The following SPOCK3 variants were observed in gnomAD, a reference collection of about 807,000 sequenced individuals.
SPOCK3 encodes the protein testican-3.
A neutral mutation model predicts 56.6 loss-of-function variants in SPOCK3; 30 were observed. The observed-to-expected ratio is 0.53, with a 90% CI of 0.40 to 0.72. The LOEUF (loss-of-function observed/expected upper bound fraction) is 0.72. SPOCK3 is among the 30% of genes least tolerant of loss of function. The pLI is 0.00. For missense variants in SPOCK3, 527 were observed against 530.0 expected, an observed-to-expected ratio of 0.99 and a Z score of 0.06; for synonymous variants, 196 against 183.3, an observed-to-expected ratio of 1.07 and a Z score of -0.56.
At chr4:166,846,958 T>C (rs906892035) in intron 6 of SPOCK3, among the ~76,000 whole-genome samples, 1 of 152,100 alleles carries the variant, frequency 6.6e-6, no homozygotes. Context: ...ACCAAATCTA[T>C]CTCACAGGAA....
intron 3 of SPOCK3, among the ~76,000 whole-genome samples, chr4:167,052,670 A>G (rs989899895): frequency 7.2e-5 from 11 of 152,186 alleles, no homozygotes; most frequent in African/African-American, 2.7e-4. Context: ...TCTTAAACAA[A>G]GCAGCATTAT....
chr4:166,823,392 T>G, intron 6 of SPOCK3, among the ~76,000 whole-genome samples: 1 of 152,078 alleles, frequency 6.6e-6, no homozygotes, highest in Admixed American at 6.6e-5. Flanking sequence ...ATGTATATTT[T>G]ATTGGACTGC....
At chr4:167,055,953 T>A (rs1263490958) in intron 3 of SPOCK3, among the ~76,000 whole-genome samples, 1 of 152,146 alleles carries the variant, frequency 6.6e-6, no homozygotes, top group Admixed American at 6.5e-5. Flanking sequence ...AGAGCAGTGG[T>A]TCTCCCAGCA....
intron 6 of SPOCK3, among the ~76,000 whole-genome samples, chr4:166,856,834 C>T (rs1730738677): frequency 7.2e-6 from 1 of 138,884 alleles, no homozygotes; most frequent in African/African-American, 2.6e-5. Context: ...CTAGATATCT[C>T]TCTATATATA....
intron 6 of SPOCK3, among the ~76,000 whole-genome samples, chr4:166,842,235 C>T (rs565874812): frequency 4.7e-4 from 72 of 152,334 alleles, no homozygotes; most frequent in Middle Eastern, 3.4e-3. Context: ...AAGAGGACTT[C>T]AGCACGTTGC....
intron 4 of SPOCK3, among the ~76,000 whole-genome samples, chr4:166,953,031 C>T (rs1266908460): frequency 6.6e-6 from 1 of 151,758 alleles, no homozygotes; most frequent in Non-Finnish European, 1.5e-5. Flanking sequence ...TGGGCAAGGA[C>T]TTCATGTCTA....
chr4:167,213,176 T>C (rs1398109621), intron 2 of SPOCK3, among the ~76,000 whole-genome samples: 2 of 152,220 alleles, frequency 1.3e-5, no homozygotes, highest in Admixed American at 6.5e-5. Flanking sequence ...GCAAAGTTGC[T>C]TTTCTAGGCC....
chr4:166,843,024 C>A (rs1364994071), intron 6 of SPOCK3, among the ~76,000 whole-genome samples: 1 of 152,206 alleles, frequency 6.6e-6, no homozygotes, highest in African/African-American at 2.4e-5. Context: ...AGTGGGCCGG[C>A]GCTGCTGGGG....
intron 6 of SPOCK3, among the ~76,000 whole-genome samples, chr4:166,840,965 C>A (rs2124453): frequency 0.74 from 111,342 of 151,052 alleles, 41,088 homozygotes; most frequent in East Asian, 0.82. Flanking sequence ...TTTTTCGTAG[C>A]GACGGGGTTT....
intron 7 of SPOCK3, among the ~76,000 whole-genome samples, chr4:166,771,951 A>G (rs930697615): frequency 1.3e-5 from 2 of 152,022 alleles, no homozygotes; most frequent in Admixed American, 1.3e-4. Context: ...CCATGTTTTT[A>G]TAGTTCTTAG....
intron 2 of SPOCK3, among the ~76,000 whole-genome samples, chr4:167,079,085 AG>A (rs1267655547): frequency 6.6e-6 from 1 of 151,932 alleles, no homozygotes; most frequent in African/African-American, 2.4e-5. Flanking sequence ...AAAAAAAAAA[AG>A]TCTCTAGCAT....
At chr4:166,794,627 T>TTTTC (rs1303037765) in intron 6 of SPOCK3, among the ~76,000 whole-genome samples, 10 of 151,434 alleles carry the variant, frequency 6.6e-5, no homozygotes, top group East Asian at 5.8e-4. Context: ...TTTCTTTTTT[T>TTTTC]TTTCTTTCTT....
At chr4:167,040,175 T>C (rs1471782335) in intron 3 of SPOCK3, among the ~76,000 whole-genome samples, 2 of 152,158 alleles carry the variant, frequency 1.3e-5, no homozygotes, top group East Asian at 3.8e-4. Context: ...TTTCTAAAAG[T>C]TCTGGCTTTA....
rs3082377 is a variant in SPOCK3 at position 167,078,308 on chromosome 4, C to CTGTGTG, written c.190-15777_190-15772dup. Among the ~76,000 whole-genome samples, 457 of 105,088 alleles carry CTGTGTG rather than the reference C, an allele frequency of 4.3e-3. 7 individuals carry two copies. Among genetic ancestry groups the CTGTGTG allele is most frequent in the African/African-American group, 8.5e-3 (252 of 29,628 alleles). 68.9% of individuals were successfully genotyped at this position (105,088 alleles called of 152,430 possible). ...ACCTATGTGTATCCAGGTCATAACT[C>CTGTGTG]TGTGTGTGTGTGTGTGTGTGTGTGT... On this transcript the variant is annotated intron_variant, in intron 2 of 10. Coordinates refer to ENST00000357545, the MANE Select transcript of SPOCK3 (RefSeq NM_001040159.2).
intron 6 of SPOCK3, among the ~76,000 whole-genome samples, chr4:166,842,877 T>C (rs1466882768): frequency 6.6e-6 from 1 of 152,148 alleles, no homozygotes; most frequent in Non-Finnish European, 1.5e-5. Context: ...AACCGGGTGC[T>C]GTGTAGCAGG....
intron 6 of SPOCK3, among the ~76,000 whole-genome samples, chr4:166,810,357 G>A (rs765122102): frequency 1.1e-4 from 16 of 151,908 alleles, no homozygotes; most frequent in African/African-American, 2.2e-4. Flanking sequence ...CACCTAACTC[G>A]GTTAGATAAA....
intron 7 of SPOCK3, among the ~76,000 whole-genome samples, chr4:166,774,341 A>G (rs1238453325): frequency 6.6e-6 from 1 of 152,146 alleles, no homozygotes; most frequent in Non-Finnish European, 1.5e-5. Context: ...ATCAGGTTTT[A>G]AAGGCTTCAT....
At chr4:166,935,877 A>T (rs1476477116) in intron 4 of SPOCK3, among the ~76,000 whole-genome samples, 2 of 152,288 alleles carry the variant, frequency 1.3e-5, no homozygotes, top group East Asian at 3.9e-4. Context: ...AGATAACAAC[A>T]TTTGCCTAAA....
intron 2 of SPOCK3, among the ~76,000 whole-genome samples, chr4:167,127,269 A>C (rs1449882933): frequency 6.6e-6 from 1 of 152,122 alleles, no homozygotes; most frequent in Non-Finnish European, 1.5e-5. Flanking sequence ...GGATACCAAA[A>C]ACACACACAC....
Sources: allele counts gnomAD v4.1 joint callset (sites outside exome capture counted in the v4.1 genomes callset), GRCh38; gene constraint gnomAD v4.1.1; transcripts MANE v1.5; gene names NCBI Gene and HGNC (gene_info 2026-07-23, HGNC 2026-07-21).